The following GFPT1 variants were observed in gnomAD, a reference collection of about 807,000 sequenced individuals.
The protein encoded by GFPT1 is glutamine--fructose-6-phosphate transaminase 1, also known as glutamine--fructose-6-phosphate aminotransferase [isomerizing] 1.
GFPT1 carries 40 observed loss-of-function variants against 92.0 expected under a neutral mutation model. That is an observed-to-expected ratio of 0.43 (90% CI 0.34 to 0.57). GFPT1 has a LOEUF of 0.57. Ranked by LOEUF, GFPT1 falls within the 20% of genes least tolerant of loss-of-function variation. The pLI is 0.02. For synonymous variants in GFPT1, 269 were observed against 280.6 expected (o/e 0.96, Z 0.41); for missense variants, 448 against 869.1 (o/e 0.52, Z 6.09).
At chr2:69,384,491 G>C (rs949430097) in intron 1 of GFPT1, among the ~76,000 whole-genome samples, 1 of 152,000 alleles carries the variant, frequency 6.6e-6, no homozygotes, top group Non-Finnish European at 1.5e-5. Flanking sequence ...GCTGTGGTAG[G>C]TGGATTACCT....
chr2:69,328,115 A>G (rs1255193896), intron 18 of GFPT1, among the ~76,000 whole-genome samples, 156 bp downstream of exon 18: 1 of 143,088 alleles, frequency 7.0e-6, no homozygotes, highest in Non-Finnish European at 1.5e-5. Context: ...AAAAAAAAAA[A>G]CTCTTAAGTA....
intron 2 of GFPT1, 72 bp from the exon 3 acceptor site, chr2:69,370,180 A>C: frequency 1.2e-6 from 1 of 858,936 alleles, no homozygotes; most frequent in Non-Finnish European, 2.0e-6. Context: ...GTGAGGCAAA[A>C]TTTTTAATTA....
At chr2:69,348,851 C>G (rs1260729034) in intron 10 of GFPT1, among the ~76,000 whole-genome samples, 7 of 152,166 alleles carry the variant, frequency 4.6e-5, no homozygotes, top group Middle Eastern at 3.2e-3. Context: ...CTTTGGCTCT[C>G]AGAGAGACAA....
chr2:69,355,327 C>T (rs1189320479), intron 7 of GFPT1, among the ~76,000 whole-genome samples: 1 of 152,184 alleles, frequency 6.6e-6, no homozygotes, highest in African/African-American at 2.4e-5. Flanking sequence ...ATCCACCCAT[C>T]TCAGCCTCCC....
chr2:69,383,282 C>A (rs985497031), intron 1 of GFPT1, among the ~76,000 whole-genome samples: 1 of 152,238 alleles, frequency 6.6e-6, no homozygotes, highest in Non-Finnish European at 1.5e-5. Context: ...ATTTCCCAAA[C>A]TTGTGTTACA....
chr2:69,335,838 T>C (rs1670780290), intron 15 of GFPT1, among the ~76,000 whole-genome samples: 1 of 151,870 alleles, frequency 6.6e-6, no homozygotes, highest in Non-Finnish European at 1.5e-5. Flanking sequence ...CTAGGCAACA[T>C]GGTAAAACTC....
chr2:69,356,974 G>C (rs1010514523), intron 6 of GFPT1, among the ~76,000 whole-genome samples: 5 of 152,038 alleles, frequency 3.3e-5, no homozygotes, highest in African/African-American at 1.2e-4. Flanking sequence ...CTCGTGATCT[G>C]CCCACCTCGG....
chr2:69,384,481 G>A (rs566809649), intron 1 of GFPT1, among the ~76,000 whole-genome samples: 1 of 152,146 alleles, frequency 6.6e-6, no homozygotes, highest in East Asian at 1.9e-4. Flanking sequence ...ACTTTGGGAG[G>A]CTGTGGTAGG....
intron 1 of GFPT1, among the ~76,000 whole-genome samples, chr2:69,380,448 C>A (rs1379706071): frequency 2.0e-5 from 3 of 152,190 alleles, no homozygotes; most frequent in Non-Finnish European, 2.9e-5. Context: ...TTAATTGGTT[C>A]ATGTCTCCCC....
intron 15 of GFPT1, among the ~76,000 whole-genome samples, chr2:69,330,432 G>C (rs920713265): frequency 2.0e-5 from 3 of 151,722 alleles, no homozygotes; most frequent in Admixed American, 6.6e-5. Context: ...TTAGTTTTTG[G>C]TGTAAGTCAA....
intron 12 of GFPT1, among the ~76,000 whole-genome samples, chr2:69,343,334 C>T (rs1049254194): frequency 2.6e-5 from 4 of 152,092 alleles, no homozygotes; most frequent in African/African-American, 7.2e-5. Flanking sequence ...ACAGGTACCT[C>T]CTCGTGGGCC....
At chr2:69,370,217 C>A in intron 2 of GFPT1, 109 bp from the exon 3 acceptor site, 1 of 739,572 alleles carries the variant, frequency 1.4e-6, no homozygotes, top group Non-Finnish European at 2.4e-6. Context: ...CTAATTAATT[C>A]ACTAATGTAT....
At chr2:69,345,301 C>A (rs1266120354) in intron 12 of GFPT1, among the ~76,000 whole-genome samples, 1 of 152,100 alleles carries the variant, frequency 6.6e-6, no homozygotes, top group Non-Finnish European at 1.5e-5. Context: ...CTTAAAAATG[C>A]AGGAGGGTAC....
intron 6 of GFPT1, among the ~76,000 whole-genome samples, chr2:69,357,205 G>C (rs929895231): frequency 6.6e-6 from 1 of 152,038 alleles, no homozygotes; most frequent in Non-Finnish European, 1.5e-5. Context: ...AATTATCAGA[G>C]GAACGACAGA....
At chr2:69,384,594 C>T (rs1672083433) in intron 1 of GFPT1, among the ~76,000 whole-genome samples, 1 of 149,392 alleles carries the variant, frequency 6.7e-6, no homozygotes, top group South Asian at 2.1e-4. Context: ...CCCCTGTAAT[C>T]CCAGCTACTC....
chr2:69,333,670 T>C (rs559760548), intron 15 of GFPT1, among the ~76,000 whole-genome samples: 2 of 152,294 alleles, frequency 1.3e-5, no homozygotes, highest in East Asian at 1.9e-4. Context: ...CAATAACATA[T>C]AAAAATTGCT....
intron 12 of GFPT1, among the ~76,000 whole-genome samples, chr2:69,345,065 G>T (rs1671051833): frequency 6.6e-6 from 1 of 152,062 alleles, no homozygotes; most frequent in Non-Finnish European, 1.5e-5. Flanking sequence ...AGTTCTTCCA[G>T]CTCAACCATC....
At chr2:69,381,922 G>C (rs933991202) in intron 1 of GFPT1, among the ~76,000 whole-genome samples, 2 of 150,412 alleles carry the variant, frequency 1.3e-5, no homozygotes, top group South Asian at 2.1e-4. Context: ...GGGGTACAGT[G>C]GCGTGTTCTC....
intron 2 of GFPT1, among the ~76,000 whole-genome samples, chr2:69,373,086 C>T (rs1350021527): frequency 6.6e-6 from 1 of 152,218 alleles, no homozygotes; most frequent in Non-Finnish European, 1.5e-5. Context: ...TGGTGAGCAG[C>T]TTGTGCCTAG....
Sources: gnomAD v4.1 joint callset for allele counts (sites outside exome capture counted in the v4.1 genomes callset) on GRCh38, gnomAD v4.1.1 for gene constraint, MANE v1.5 for transcripts, NCBI Gene and HGNC (gene_info 2026-07-23, HGNC 2026-07-21) for gene names.